ARHGEF3: variants seen among roughly 807,000 people sequenced by gnomAD.
ARHGEF3 encodes the protein Rho guanine nucleotide exchange factor 3, also known as 59.8 kDA protein.
ARHGEF3 carries 28 observed loss-of-function variants against 63.2 expected under a neutral mutation model. The ratio of observed to expected loss-of-function variants is 0.44; its 90% CI spans 0.33 to 0.61. The LOEUF is 0.61. Among genes scored for constraint, ARHGEF3 ranks in the 20% least tolerant of loss-of-function variants. The pLI is 0.03. For missense variants in ARHGEF3, 533 were observed against 659.3 expected (o/e 0.81, Z 2.10); for synonymous variants, 266 against 254.2 (o/e 1.05, Z -0.44).
At chr3:56,972,563 T>C (rs1321574905) in intron 2 of ARHGEF3, among the ~76,000 whole-genome samples, 1 of 151,698 alleles carries the variant, frequency 6.6e-6, no homozygotes, top group African/African-American at 2.4e-5. Flanking sequence ...GAGTAGCTGA[T>C]ATTTAGTATG....
intron 1 of ARHGEF3, among the ~76,000 whole-genome samples, chr3:56,795,814 G>A (rs1204852282): frequency 6.6e-6 from 1 of 151,790 alleles, no homozygotes; most frequent in Non-Finnish European, 1.5e-5. Flanking sequence ...GCTAATTTTT[G>A]AATTTTTAGT....
chr3:56,938,447 C>T (rs529656161), intron 3 of ARHGEF3, among the ~76,000 whole-genome samples: 63 of 152,244 alleles, frequency 4.1e-4, no homozygotes, highest in Middle Eastern at 3.4e-3. Context: ...AGTGATGTTA[C>T]TTATAATTAA....
intron 3 of ARHGEF3, among the ~76,000 whole-genome samples, chr3:56,902,621 A>G (rs2041550720): frequency 6.6e-6 from 1 of 152,214 alleles, no homozygotes. Context: ...CTGAGTTTCG[A>G]GATGACTATA....
chr3:56,968,574 C>T (rs1281268822), intron 2 of ARHGEF3, among the ~76,000 whole-genome samples: 1 of 149,940 alleles, frequency 6.7e-6, no homozygotes, highest in Admixed American at 6.8e-5. Context: ...AGCAATCCTC[C>T]TGCCTCAGCC....
At chr3:56,868,789 G>A (rs1007991698) in intron 4 of ARHGEF3, among the ~76,000 whole-genome samples, 2 of 152,190 alleles carry the variant, frequency 1.3e-5, no homozygotes, top group African/African-American at 2.4e-5. Context: ...CATGGGTACA[G>A]CTTAGATGCG....
intron 2 of ARHGEF3, among the ~76,000 whole-genome samples, chr3:57,007,630 G>A (rs896685035): frequency 2.6e-5 from 4 of 152,134 alleles, no homozygotes; most frequent in Admixed American, 6.5e-5. Context: ...CCTCTTCCTA[G>A]CCGACCAGGG....
intron 4 of ARHGEF3, among the ~76,000 whole-genome samples, chr3:56,845,225 G>A (rs2039448293): frequency 1.3e-5 from 2 of 152,218 alleles, no homozygotes; most frequent in African/African-American, 4.8e-5. Flanking sequence ...CGCCTTGATT[G>A]CAGCCTTGTC....
chr3:56,997,048 C>A (rs1421892399), intron 2 of ARHGEF3, among the ~76,000 whole-genome samples: 1 of 152,030 alleles, frequency 6.6e-6, no homozygotes, highest in Non-Finnish European at 1.5e-5. Flanking sequence ...CCCTCCCCAC[C>A]TCACCTACCC....
intron 4 of ARHGEF3, among the ~76,000 whole-genome samples, chr3:56,814,947 A>C (rs1578585385): frequency 1.3e-5 from 2 of 152,006 alleles, no homozygotes; most frequent in South Asian, 4.2e-4. Flanking sequence ...TGGGCCACAA[A>C]GTAAGACCTC....
intron 3 of ARHGEF3, among the ~76,000 whole-genome samples, chr3:56,888,617 C>T (rs994849666): frequency 5.3e-5 from 8 of 152,068 alleles, no homozygotes; most frequent in African/African-American, 1.9e-4. Context: ...AAAAAGCAAC[C>T]AGGGGCCAGG....
chr3:57,032,909 C>T (rs1399316857), intron 2 of ARHGEF3, among the ~76,000 whole-genome samples: 3 of 151,860 alleles, frequency 2.0e-5, no homozygotes, highest in Non-Finnish European at 4.4e-5. Context: ...CCCCAGATGC[C>T]CTGGGGCCCT....
chr3:56,855,113 G>A lies in ARHGEF3; in HGVS notation c.192+27179C>T, dbSNP rs560096133. 5.3e-5 allele frequency among the ~76,000 whole-genome samples: 8 copies of A among 152,204 alleles called. No homozygotes were observed. In the South Asian group the frequency reaches 1.7e-3, roughly 32 times the overall value. ...GGAGTACAATAACAAGGTCAGAGGA[G>A]GGGAAAAGGAGGAATCCAGGCTGAG... On this transcript the variant is annotated intron_variant, in intron 4 of 12. Coordinates refer to the ARHGEF3 transcript ENST00000338458.
At chr3:57,004,055 G>A (rs957030146) in intron 2 of ARHGEF3, among the ~76,000 whole-genome samples, 1 of 152,198 alleles carries the variant, frequency 6.6e-6, no homozygotes, top group Non-Finnish European at 1.5e-5. Context: ...CCCTCAAGGA[G>A]CTCATTCATC....
intron 4 of ARHGEF3, among the ~76,000 whole-genome samples, chr3:56,865,346 C>G (rs1235014667): frequency 1.4e-4 from 22 of 152,148 alleles, no homozygotes; most frequent in Admixed American, 1.4e-3. Context: ...CAGAGCAGAG[C>G]AAAACACAGC....
chr3:56,801,892 GGGC>G lies in ARHGEF3; in HGVS notation c.-97_-95del, dbSNP rs1213192604. On this transcript the variant is annotated 5_prime_UTR_variant, in exon 1 of 10. Coordinates refer to ENST00000296315, the MANE Select transcript of ARHGEF3 (RefSeq NM_019555.3). ...AAGGGGGCCCCAGCTCCACGATGCC[GGGC>G]GGCGGCGGCGACACGGAGACCGACA... 4 of 1,547,382 alleles carry G rather than the reference GGGC, an allele frequency of 2.6e-6. No individual in the cohort carries two copies. The highest frequency in any genetic ancestry group is 8.7e-7 in the Non-Finnish European group (1 of 1,146,550).
intron 4 of ARHGEF3, among the ~76,000 whole-genome samples, chr3:56,863,424 G>A (rs1226123394): frequency 4.6e-5 from 7 of 151,720 alleles, no homozygotes; most frequent in Admixed American, 2.6e-4. Flanking sequence ...CTCAGCCTCC[G>A]GAGGAGCTGG....
rs112313795 is a variant in ARHGEF3, at chr3:56,883,302, C to CTT, written c.130-950_130-949dup. Among the ~76,000 whole-genome samples the CTT allele has an allele frequency of 2.4e-3, 343 of 141,062 alleles. 2 individuals carry two copies. The highest frequency in any genetic ancestry group is 8.3e-3 in the African/African-American group (320 of 38,626). 92.5% of individuals were successfully genotyped at this position (141,062 alleles called of 152,430 possible). The stretch of plus-strand genomic sequence containing the variant: ...GTTAGATGTGAAAAAGTATGTTTTT[C>CTT]TTTTTTTTTTTTTTTGAGACAGGGT... On this transcript the variant is annotated intron_variant, in intron 3 of 12. Transcript: ENST00000338458.
At position 57,045,477 on chromosome 3, in the gene ARHGEF3, AG is replaced by A. The variant is rs1310257230; in HGVS notation, c.-27-10302del. ...CATTCTGTGCTGCCTACTGTATGAT[AG>A]GCATGGACCCAGCAATGGGTTGTCT... On this transcript the variant is annotated intron_variant, in intron 1 of 12. Coordinates refer to the ARHGEF3 transcript ENST00000338458. Among the ~76,000 whole-genome samples, 149 of 152,318 alleles carry A rather than the reference AG, an allele frequency of 9.8e-4. No individual in the cohort carries two copies. The Middle Eastern group carries it at 0.01, about 10-fold the overall frequency.
chr3:56,984,797 T>C (rs919002046), intron 2 of ARHGEF3, among the ~76,000 whole-genome samples: 1 of 152,006 alleles, frequency 6.6e-6, no homozygotes, highest in Non-Finnish European at 1.5e-5. Flanking sequence ...GTTTGGCTCT[T>C]AGAGTGGACT....
Sources: allele counts gnomAD v4.1 joint callset (sites outside exome capture counted in the v4.1 genomes callset), GRCh38; gene constraint gnomAD v4.1.1; transcripts MANE v1.5; gene names NCBI Gene and HGNC (gene_info 2026-07-23, HGNC 2026-07-21).